TSHZ3: variants seen among roughly 807,000 people sequenced by gnomAD.
TSHZ3 encodes the protein teashirt homolog 3.
A neutral mutation model predicts 64.5 loss-of-function variants in TSHZ3; 10 were observed. The ratio of observed to expected loss-of-function variants is 0.16; its 90% CI spans 0.10 to 0.26. TSHZ3 has a LOEUF of 0.26. Ranked by LOEUF, TSHZ3 falls within the 10% of genes least tolerant of loss-of-function variation. TSHZ3 has a pLI of 1.00. For synonymous variants in TSHZ3, 608 were observed against 593.1 expected, an observed-to-expected ratio of 1.03 and a Z score of -0.36; for missense variants, 1,242 against 1,421.7, an observed-to-expected ratio of 0.87 and a Z score of 2.03.
At chr19:31,264,557 G>A (rs945961245) in intron 1 of TSHZ3, among the ~76,000 whole-genome samples, 3 of 152,134 alleles carry the variant, frequency 2.0e-5, no homozygotes, top group African/African-American at 4.8e-5. Flanking sequence ...GCCAGAGAGC[G>A]GATGTCCTGT....
At chr19:31,163,623 T>C (rs1974400225) in intron 5 of TSHZ3, among the ~76,000 whole-genome samples, 1 of 152,086 alleles carries the variant, frequency 6.6e-6, no homozygotes, top group African/African-American at 2.4e-5. Flanking sequence ...CCAAGACACT[T>C]GGGAGGCTGA....
At chr19:31,296,640 C>T (rs564820303) in intron 1 of TSHZ3, among the ~76,000 whole-genome samples, 1 of 152,260 alleles carries the variant, frequency 6.6e-6, no homozygotes, top group African/African-American at 2.4e-5. Context: ...CCAGTTAGTA[C>T]TGTGTCATTT....
chr19:31,306,531 G>C (rs1480065278), intron 1 of TSHZ3, among the ~76,000 whole-genome samples: 1 of 152,288 alleles, frequency 6.6e-6, no homozygotes, highest in South Asian at 2.1e-4. Flanking sequence ...ACGTGCGTGG[G>C]TGCGCATGTG....
At chr19:31,162,150 G>A (rs2145104340) in intron 5 of TSHZ3, among the ~76,000 whole-genome samples, 1 of 152,210 alleles carries the variant, frequency 6.6e-6, no homozygotes, top group East Asian at 1.9e-4. Context: ...TATTCTCCAA[G>A]GATCTGTGAG....
intron 5 of TSHZ3, among the ~76,000 whole-genome samples, chr19:31,160,098 A>C (rs1974355546): frequency 6.6e-6 from 1 of 152,220 alleles, no homozygotes; most frequent in South Asian, 2.1e-4. Context: ...CCTTGTGTTT[A>C]AATATCAGTT....
intron 1 of TSHZ3, among the ~76,000 whole-genome samples, chr19:31,340,501 A>G (rs1202661934): frequency 1.4e-5 from 2 of 146,986 alleles, no homozygotes; most frequent in East Asian, 4.4e-4. Context: ...GAAAAGGGGA[A>G]AGGGAGGGAA....
intron 5 of TSHZ3, among the ~76,000 whole-genome samples, chr19:31,179,568 G>C (rs1974667794): frequency 1.3e-5 from 2 of 152,164 alleles, no homozygotes; most frequent in Admixed American, 6.5e-5. Context: ...AATGATGATG[G>C]TGCTGGTAAC....
chr19:31,284,135 G>C (rs983804244), intron 1 of TSHZ3, among the ~76,000 whole-genome samples: 2 of 152,142 alleles, frequency 1.3e-5, no homozygotes, highest in African/African-American at 4.8e-5. Context: ...CTAAGGGAGG[G>C]AACCTTACTT....
At chr19:31,244,224 TC>T (rs1975731181) in intron 1 of TSHZ3, among the ~76,000 whole-genome samples, 1 of 152,114 alleles carries the variant, frequency 6.6e-6, no homozygotes. Flanking sequence ...GCGGATTTCC[TC>T]CCCATGCTGC....
At chr19:31,306,684 G>A (rs1916308180) in intron 1 of TSHZ3, among the ~76,000 whole-genome samples, 3 of 152,128 alleles carry the variant, frequency 2.0e-5, no homozygotes. Flanking sequence ...TAATACACTG[G>A]AGATACCCTG....
Position 31,198,886 on chromosome 19 carries a change from C to T in TSHZ3, n.809+6070G>A, listed in dbSNP as rs138890811. Among the ~76,000 whole-genome samples the T allele has an allele frequency of 2.4e-3, 366 of 152,276 alleles. 5 individuals carry two copies. Among genetic ancestry groups the T allele is most frequent in the African/African-American group, 8.5e-3 (355 of 41,554 alleles). ...TCTATAGACTCAGCACAATCCTAATCAAAATCCCAGAAGGTTATTTTGTAG... is the reference window on the plus strand; with the variant it reads ...TCTATAGACTCAGCACAATCCTAATTAAAATCCCAGAAGGTTATTTTGTAG... On this transcript the variant is annotated intron_variant and non_coding_transcript_variant, in intron 5 of 6. Transcript: ENST00000651361.
chr19:31,264,710 C>CT (rs34853915), intron 1 of TSHZ3, among the ~76,000 whole-genome samples: 39,232 of 143,306 alleles, frequency 0.27, 6,449 homozygotes, highest in African/African-American at 0.46. Flanking sequence ...GTGGGTTTTT[C>CT]TTTTTTTTTT....
intron 1 of TSHZ3, among the ~76,000 whole-genome samples, chr19:31,296,107 T>C (rs1976654935): frequency 6.6e-6 from 1 of 151,248 alleles, no homozygotes; most frequent in East Asian, 1.9e-4. Flanking sequence ...AACACAAACA[T>C]GGGTCTCTGT....
chr19:31,252,735 TTTCCTGTATAAA>T (rs1274999172), intron 1 of TSHZ3, among the ~76,000 whole-genome samples: 2 of 152,214 alleles, frequency 1.3e-5, no homozygotes, highest in East Asian at 3.9e-4. Flanking sequence ...ATTAAACCTC[TTTCCTGTATAAA>T]TTACCCAGTC....
chr19:31,296,561 C>A (rs1361147865), intron 1 of TSHZ3, among the ~76,000 whole-genome samples: 1 of 152,156 alleles, frequency 6.6e-6, no homozygotes, highest in Non-Finnish European at 1.5e-5. Context: ...GTCTTAAACT[C>A]CTGACCTCAG....
chr19:31,150,854 T>C (rs1974229217), exon 7 of TSHZ3, among the ~76,000 whole-genome samples: 1 of 152,146 alleles, frequency 6.6e-6, no homozygotes, highest in Non-Finnish European at 1.5e-5. Flanking sequence ...TAGTATCTTG[T>C]CCCTGCTCAT....
rs1431613700 is a variant in TSHZ3, at chr19:31,279,019, G to C, written c.774C>G (p.Arg258=). The part of the protein sequence containing the change: ...NNNPKRWSKP[R]KRSLLEMEGK... ...CTTCCATTTCCAGCAAGGAGCGTTT[G>C]CGAGGCTTGGACCAGCGCTTGGGGT... The change falls in exon 2 of 2, where the codon CGC becomes CGG. Residue 258 remains arginine, a synonymous_variant. Coordinates refer to ENST00000240587, the MANE Select transcript of TSHZ3 (RefSeq NM_020856.4). The surrounding 1 kb of genome is among the most constrained non-coding windows in gnomAD (Gnocchi z 6.4). 6.2e-7 allele frequency: 1 copy of C among 1,613,826 alleles called. No individual in the cohort carries two copies. The highest frequency in any genetic ancestry group is 8.5e-7 in the Non-Finnish European group (1 of 1,179,834).
intron 1 of TSHZ3, among the ~76,000 whole-genome samples, chr19:31,314,069 G>C (rs567845976): frequency 6.6e-6 from 1 of 152,206 alleles, no homozygotes; most frequent in African/African-American, 2.4e-5. Context: ...TCGAGTGGCT[G>C]TTGGGCTCAC....
At chr19:31,228,091 T>C (rs1975493438) in exon 4 of TSHZ3, among the ~76,000 whole-genome samples, 1 of 152,202 alleles carries the variant, frequency 6.6e-6, no homozygotes, top group African/African-American at 2.4e-5. Flanking sequence ...AGTCATCTTC[T>C]TAAACTTCAA....
Sources: allele counts gnomAD v4.1 joint callset (sites outside exome capture counted in the v4.1 genomes callset), GRCh38; gene constraint gnomAD v4.1.1; non-coding constraint Gnocchi (gnomAD v3.1); transcripts MANE v1.5; gene names NCBI Gene and HGNC (gene_info 2026-07-23, HGNC 2026-07-21).